NPAS3: variants seen among roughly 807,000 people sequenced by gnomAD.
The protein encoded by NPAS3 is neuronal PAS domain-containing protein 3.
Under a neutral mutation model 73.1 loss-of-function variants are expected in NPAS3, and 14 were observed. The observed-to-expected ratio is 0.19, with a 90% CI of 0.13 to 0.30. The LOEUF is 0.30. NPAS3 is among the 10% of genes least tolerant of loss of function. The probability of loss-of-function intolerance (pLI) is 1.00; values close to 1 mark genes in which losing one functional copy is unlikely to be tolerated. For missense variants in NPAS3, 1,096 were observed against 1,250.0 expected, an observed-to-expected ratio of 0.88 and a Z score of 1.86; for synonymous variants, 620 against 541.5, an observed-to-expected ratio of 1.14 and a Z score of -2.01.
intron 5 of NPAS3, among the ~76,000 whole-genome samples, chr14:33,663,970 T>A (rs2059381830): frequency 6.7e-6 from 1 of 149,028 alleles, no homozygotes; most frequent in African/African-American, 2.6e-5. Flanking sequence ...ATTTCGTTAA[T>A]CTTTTCAAAA....
At chr14:33,011,968 C>CT (rs753679938) in intron 1 of NPAS3, among the ~76,000 whole-genome samples, 76 of 152,056 alleles carry the variant, frequency 5.0e-4, no homozygotes, top group Non-Finnish European at 8.5e-4. Flanking sequence ...CTTCTTCTTC[C>CT]TTTCCCCCCT....
At chr14:32,941,147 A>G (rs370202429) in intron 1 of NPAS3, among the ~76,000 whole-genome samples, 2 of 152,026 alleles carry the variant, frequency 1.3e-5, no homozygotes, top group East Asian at 3.9e-4. Flanking sequence ...TCTAACATGA[A>G]GATGAATACT....
At chr14:33,564,170 G>A (rs1595163858) in intron 5 of NPAS3, among the ~76,000 whole-genome samples, 1 of 152,168 alleles carries the variant, frequency 6.6e-6, no homozygotes, top group South Asian at 2.1e-4. Context: ...ACAACAAAGA[G>A]GCTCATAAAA....
chr14:33,559,507 A>G (rs1482708804), intron 4 of NPAS3, among the ~76,000 whole-genome samples: 1 of 152,190 alleles, frequency 6.6e-6, no homozygotes, highest in Non-Finnish European at 1.5e-5. Flanking sequence ...TAATCTCAGT[A>G]ACCACTGAAT....
intron 4 of NPAS3, among the ~76,000 whole-genome samples, chr14:33,444,538 A>G (rs1028587144): frequency 6.6e-6 from 1 of 152,248 alleles, no homozygotes; most frequent in Non-Finnish European, 1.5e-5. Context: ...TTATAAAGAC[A>G]TCTTGGTCTA....
chr14:33,563,535 C>CAGAG (rs1276549335), intron 5 of NPAS3, among the ~76,000 whole-genome samples: 2 of 108,014 alleles, frequency 1.9e-5, no homozygotes, highest in East Asian at 4.4e-4. Flanking sequence ...CACACACACA[C>CAGAG]ACAGAGAGAG....
intron 2 of NPAS3, among the ~76,000 whole-genome samples, chr14:33,147,864 A>T (rs1252665888): frequency 2.6e-5 from 4 of 151,514 alleles, no homozygotes; most frequent in Non-Finnish European, 4.4e-5. Context: ...GCCAATAAAA[A>T]CTCATTATAA....
intron 3 of NPAS3, among the ~76,000 whole-genome samples, chr14:33,360,338 A>G (rs574266600): frequency 5.3e-5 from 8 of 150,534 alleles, no homozygotes; most frequent in Admixed American, 2.6e-4. Flanking sequence ...GACTTCCCCA[A>G]ATTGGGTGGT....
intron 5 of NPAS3, among the ~76,000 whole-genome samples, chr14:33,670,431 A>G (rs2059578461): frequency 6.6e-6 from 1 of 152,246 alleles, no homozygotes; most frequent in Admixed American, 6.5e-5. Flanking sequence ...GAGACAGAGC[A>G]GTAAAGAACA....
intron 1 of NPAS3, among the ~76,000 whole-genome samples, chr14:32,969,233 G>A (rs2037319542): frequency 6.6e-6 from 1 of 152,130 alleles, no homozygotes; most frequent in Non-Finnish European, 1.5e-5. Context: ...AGTGGTGAGA[G>A]AGAGAAAACC....
intron 4 of NPAS3, among the ~76,000 whole-genome samples, chr14:33,479,102 G>A (rs1344408349): frequency 2.0e-5 from 3 of 152,102 alleles, no homozygotes; most frequent in Non-Finnish European, 1.5e-5. Context: ...GAAAATAAAC[G>A]TGCAGTTAAA....
intron 4 of NPAS3, among the ~76,000 whole-genome samples, chr14:33,387,966 A>C (rs936708217): frequency 6.6e-6 from 1 of 152,200 alleles, no homozygotes; most frequent in Non-Finnish European, 1.5e-5. Flanking sequence ...GTAGAGTCAA[A>C]GAGTGAAGGA....
intron 2 of NPAS3, among the ~76,000 whole-genome samples, chr14:33,092,710 T>C (rs1372932003): frequency 1.3e-5 from 2 of 152,186 alleles, no homozygotes; most frequent in African/African-American, 2.4e-5. Context: ...ACTACCTGAC[T>C]TCAAACTATG....
intron 7 of NPAS3, among the ~76,000 whole-genome samples, chr14:33,752,386 G>A (rs898466005): frequency 2.0e-5 from 3 of 152,120 alleles, no homozygotes; most frequent in Non-Finnish European, 4.4e-5. Flanking sequence ...AGCCATTTAA[G>A]AGTAGATATT....
intron 4 of NPAS3, among the ~76,000 whole-genome samples, chr14:33,434,723 G>A (rs1594899451): frequency 6.6e-6 from 1 of 152,090 alleles, no homozygotes; most frequent in African/African-American, 2.4e-5. Flanking sequence ...TTATATATGA[G>A]TTTTTAACAG....
intron 7 of NPAS3, among the ~76,000 whole-genome samples, chr14:33,751,904 G>T (rs1048820249): frequency 2.0e-5 from 3 of 152,056 alleles, no homozygotes; most frequent in Non-Finnish European, 4.4e-5. Context: ...AGTAAGTGAT[G>T]ACATAAAATA....
intron 3 of NPAS3, among the ~76,000 whole-genome samples, chr14:33,319,395 A>C (rs757113940): frequency 6.6e-6 from 1 of 152,136 alleles, no homozygotes; most frequent in Admixed American, 6.6e-5. Context: ...CCAGATATTT[A>C]AAACTACAAT....
At chr14:33,335,519 G>C (rs73256887) in intron 3 of NPAS3, among the ~76,000 whole-genome samples, 1 of 152,104 alleles carries the variant, frequency 6.6e-6, no homozygotes, top group African/African-American at 2.4e-5. Context: ...CATCTGTTCC[G>C]AAGTGGCCTT....
chr14:33,362,691 T>C (rs145523933), intron 3 of NPAS3, among the ~76,000 whole-genome samples: 34 of 152,270 alleles, frequency 2.2e-4, no homozygotes, highest in African/African-American at 7.5e-4. Flanking sequence ...TTACCGGGCA[T>C]GAAGCCTGCC....
Sources: allele counts gnomAD v4.1 joint callset (sites outside exome capture counted in the v4.1 genomes callset), GRCh38; gene constraint gnomAD v4.1.1; transcripts MANE v1.5; gene names NCBI Gene and HGNC (gene_info 2026-07-23, HGNC 2026-07-21).